Variants in DLGAP1 observed in about 807,000 individuals in gnomAD.
DLGAP1 encodes disks large-associated protein 1.
In DLGAP1, 11 loss-of-function variants were observed where a neutral mutation model predicts 90.8. The ratio of observed to expected loss-of-function variants is 0.12; its 90% confidence interval spans 0.08 to 0.20. The LOEUF (loss-of-function observed/expected upper bound fraction) is 0.20, where lower values mean the gene tolerates loss of function less well. DLGAP1 is among the 10% of genes least tolerant of loss of function. The probability of loss-of-function intolerance (pLI) is 1.00; values close to 1 mark genes in which losing one functional copy is unlikely to be tolerated. For synonymous variants in DLGAP1, 558 were observed against 540.7 expected (o/e 1.03, Z -0.44); for missense variants, 1,050 against 1,333.8 (o/e 0.79, Z 3.31).
intron 4 of DLGAP1, among the ~76,000 whole-genome samples, chr18:3,855,551 G>A (rs549179739): frequency 9.9e-5 from 15 of 151,140 alleles, no homozygotes; most frequent in Non-Finnish European, 1.9e-4. Flanking sequence ...GGAGTAATTA[G>A]GTATATTTCC....
At chr18:4,437,885 T>C (rs771950061) in intron 1 of DLGAP1, among the ~76,000 whole-genome samples, 1 of 152,104 alleles carries the variant, frequency 6.6e-6, no homozygotes, top group South Asian at 2.1e-4. Context: ...AGGAATTAAC[T>C]TATAACATAT....
intron 1 of DLGAP1, among the ~76,000 whole-genome samples, chr18:4,215,199 G>A (rs185566386): frequency 6.6e-6 from 1 of 152,174 alleles, no homozygotes; most frequent in Admixed American, 6.5e-5. Flanking sequence ...GATGCCATCT[G>A]CATAAATTAT....
chr18:3,848,127 C>CAAAAAAAAAAAAAAAAAAAAAAAAAA (rs3862177), intron 4 of DLGAP1, among the ~76,000 whole-genome samples: 1 of 32,076 alleles, frequency 3.1e-5, no homozygotes. Context: ...GGCCCCGTCT[C>CAAAAAAAAAAAAAAAAAAAAAAAAAA]AAAAAAAAAA....
At chr18:4,433,204 A>G (rs1400893241) in intron 1 of DLGAP1, among the ~76,000 whole-genome samples, 1 of 152,224 alleles carries the variant, frequency 6.6e-6, no homozygotes, top group Non-Finnish European at 1.5e-5. Context: ...TTAAGGAGTT[A>G]GTTGGATAAC....
intron 11 of DLGAP1, among the ~76,000 whole-genome samples, chr18:3,507,492 G>C (rs1359308096): frequency 1.3e-5 from 2 of 152,118 alleles, no homozygotes; most frequent in Non-Finnish European, 1.5e-5. Flanking sequence ...TTGCACTCCA[G>C]CCTGGACAAC....
intron 3 of DLGAP1, among the ~76,000 whole-genome samples, chr18:3,958,370 G>T (rs991124617): frequency 6.6e-6 from 1 of 151,378 alleles, no homozygotes; most frequent in African/African-American, 2.4e-5. Context: ...GCATGATAAG[G>T]AGGTAGAAGA....
Position 4,151,160 on chromosome 18 carries a change from G to C in DLGAP1, c.-159+20C>G, listed in dbSNP as rs1196233838. On this transcript the variant is annotated intron_variant, in intron 2 of 12. Coordinates refer to ENST00000315677, the MANE Select transcript of DLGAP1 (RefSeq NM_004746.4). ...GAAACTGCTTCCTATACAAGTAAGG[G>C]GGAAAGGGGGCAGTTTTACCTTTGA... 1 of 152,174 alleles carries C rather than the reference G, an allele frequency of 6.6e-6. No individual in the cohort carries two copies. 9.4% of individuals were successfully genotyped at this position (152,174 alleles called of 1,614,324 possible).
Position 3,880,129 on chromosome 18 carries a change from T to C in DLGAP1, c.-61A>G, listed in dbSNP as rs1008777695. 4.7e-5 allele frequency: 71 copies of C among 1,500,222 alleles called. No homozygotes were observed. The highest frequency in any genetic ancestry group is 5.7e-5 in the Non-Finnish European group (62 of 1,094,596). 92.9% of individuals were successfully genotyped at this position (1,500,222 alleles called of 1,614,324 possible). A position where few individuals can be genotyped will look rare whatever the true frequency, so the allele number is the denominator to read the frequency against. ...CCGGAAGTCAGGCTCCAGACCCGTC[T>C]TGGGCAGGGATCTGGGGGAATGAAG... is the stretch of plus-strand genomic sequence containing the variant. On this transcript the variant is annotated 5_prime_UTR_variant, in exon 4 of 13. Transcript: ENST00000315677.
At chr18:4,357,430 T>G (rs920818318) in intron 1 of DLGAP1, among the ~76,000 whole-genome samples, 3 of 152,106 alleles carry the variant, frequency 2.0e-5, no homozygotes, top group Non-Finnish European at 4.4e-5. Context: ...TCTTTCTTTG[T>G]TATCTGTGGA....
intron 2 of DLGAP1, among the ~76,000 whole-genome samples, chr18:4,087,445 C>A (rs1464235917): frequency 6.6e-6 from 1 of 152,198 alleles, no homozygotes; most frequent in Non-Finnish European, 1.5e-5. Context: ...AGGACATGCT[C>A]CTACTGCAGA....
intron 1 of DLGAP1, among the ~76,000 whole-genome samples, chr18:4,201,166 T>C (rs576882616): frequency 2.9e-4 from 44 of 152,228 alleles, no homozygotes; most frequent in African/African-American, 1.1e-3. Flanking sequence ...CCCGTTTATT[T>C]ATTCTTGCTT....
At chr18:3,962,255 T>C (rs1257431080) in intron 3 of DLGAP1, 1 of 152,214 alleles carries the variant, frequency 6.6e-6, no homozygotes, top group African/African-American at 2.4e-5. Context: ...AGAAAGGACG[T>C]CATCGGGTAA....
intron 2 of DLGAP1, among the ~76,000 whole-genome samples, chr18:4,098,935 T>C (rs541811838): frequency 6.6e-6 from 1 of 152,348 alleles, no homozygotes; most frequent in Middle Eastern, 3.4e-3. Flanking sequence ...TTTGGACTCC[T>C]AGTACCCTTA....
chr18:4,444,308 T>C (rs1159806566), intron 1 of DLGAP1, among the ~76,000 whole-genome samples: 1 of 152,238 alleles, frequency 6.6e-6, no homozygotes, highest in Admixed American at 6.5e-5. Flanking sequence ...AATGTTGCTA[T>C]AGATGCACTG....
At chr18:4,060,577 A>C (rs4439846) in intron 2 of DLGAP1, among the ~76,000 whole-genome samples, 59,969 of 152,038 alleles carry the variant, frequency 0.39, 12,854 homozygotes, top group Non-Finnish European at 0.49. Flanking sequence ...ATCTTGAGGA[A>C]GAATAGCTTC....
At chr18:4,122,131 C>A (rs2144117797) in intron 2 of DLGAP1, among the ~76,000 whole-genome samples, 1 of 152,218 alleles carries the variant, frequency 6.6e-6, no homozygotes, top group African/African-American at 2.4e-5. Context: ...GTATGGCAAA[C>A]CCTATGCCTG....
chr18:4,362,924 T>G (rs1431233022), intron 1 of DLGAP1, among the ~76,000 whole-genome samples: 12 of 152,096 alleles, frequency 7.9e-5, no homozygotes, highest in Admixed American at 7.9e-4. Flanking sequence ...GCAGTTTCAC[T>G]GCTGGAGGGC....
chr18:3,584,368 C>T (rs966863796), intron 7 of DLGAP1, among the ~76,000 whole-genome samples: 2 of 149,822 alleles, frequency 1.3e-5, no homozygotes, highest in African/African-American at 2.4e-5. Context: ...CAGCTGCCAA[C>T]TCAGGCCATC....
chr18:4,126,504 A>G (rs555844147), intron 2 of DLGAP1, among the ~76,000 whole-genome samples: 217 of 152,344 alleles, frequency 1.4e-3, no homozygotes, highest in Admixed American at 4.0e-3. Context: ...ATATCGTTGT[A>G]TAAATGGAGT....
Sources: gnomAD v4.1 joint callset for allele counts (sites outside exome capture counted in the v4.1 genomes callset) on GRCh38, gnomAD v4.1.1 for gene constraint, MANE v1.5 for transcripts, NCBI Gene and HGNC (gene_info 2026-07-23, HGNC 2026-07-21) for gene names.